The following SRGAP1 variants were observed in gnomAD, a reference collection of about 807,000 sequenced individuals.
SRGAP1 encodes the protein SLIT-ROBO Rho GTPase activating protein 1.
Under a neutral mutation model 121.9 loss-of-function variants are expected in SRGAP1, and 43 were observed. That is an observed-to-expected ratio of 0.35 (90% confidence interval 0.28 to 0.46). SRGAP1 has a LOEUF of 0.46. SRGAP1 is among the 20% of genes least tolerant of loss of function. SRGAP1 has a pLI of 1.00. For synonymous variants in SRGAP1, 447 were observed against 485.4 expected (o/e 0.92, Z 1.04); for missense variants, 1,102 against 1,350.9 (o/e 0.82, Z 2.89).
At chr12:63,896,426 G>A (rs1489183253) in intron 1 of SRGAP1, among the ~76,000 whole-genome samples, 1 of 152,160 alleles carries the variant, frequency 6.6e-6, no homozygotes, top group East Asian at 1.9e-4. Flanking sequence ...CTGGTATGTG[G>A]TTCTTTCTCC....
chr12:63,930,328 T>TAA lies in SRGAP1; in HGVS notation c.68-53596_68-53595dup, dbSNP rs755253203. Among the ~76,000 whole-genome samples the TAA allele has an allele frequency of 9.4e-3, 564 of 60,054 alleles. 1 individual carries two copies. The highest frequency in any genetic ancestry group is 0.015 in the Non-Finnish European group (456 of 30,118). The allele number at this position is 60,054 out of a possible 152,430, so 39.4% of individuals were successfully genotyped here. A position where few individuals can be genotyped will look rare whatever the true frequency, so the allele number is the denominator to read the frequency against. Reference sequence around the variant, plus strand: ...CAACATGGTGAAACATCGTCTCTACTAAAAAAAAAAAAAAAAAAAAAAAAG... The same window carrying TAA: ...CAACATGGTGAAACATCGTCTCTACTAAAAAAAAAAAAAAAAAAAAAAAAAAG... On this transcript the variant is annotated intron_variant, in intron 1 of 21. Transcript: ENST00000355086.
At chr12:63,978,324 T>G (rs907560585) in intron 1 of SRGAP1, among the ~76,000 whole-genome samples, 2 of 152,206 alleles carry the variant, frequency 1.3e-5, no homozygotes, top group African/African-American at 2.4e-5. Flanking sequence ...TTCATCATTT[T>G]TATTACCCTA....
At chr12:64,090,781 A>G (rs2036036633) in intron 11 of SRGAP1, among the ~76,000 whole-genome samples, 1 of 152,178 alleles carries the variant, frequency 6.6e-6, no homozygotes, top group African/African-American at 2.4e-5. Context: ...TGGAGGCTGC[A>G]GTGAGCCATG....
intron 18 of SRGAP1, among the ~76,000 whole-genome samples, chr12:64,122,805 T>G (rs1215631447): frequency 6.6e-6 from 1 of 151,950 alleles, no homozygotes; most frequent in East Asian, 1.9e-4. Context: ...GGCTGAGGCA[T>G]GAGAATCGCT....
At chr12:64,099,701 A>G (rs2036224423) in intron 15 of SRGAP1, among the ~76,000 whole-genome samples, 1 of 152,216 alleles carries the variant, frequency 6.6e-6, no homozygotes, top group South Asian at 2.1e-4. Context: ...GGCCATGTCC[A>G]AAGATTTCCC....
At chr12:63,933,151 A>G (rs1402347911) in intron 1 of SRGAP1, among the ~76,000 whole-genome samples, 1 of 152,144 alleles carries the variant, frequency 6.6e-6, no homozygotes, top group Non-Finnish European at 1.5e-5. Context: ...TCATGCCACC[A>G]TAATCCAGCC....
intron 1 of SRGAP1, among the ~76,000 whole-genome samples, chr12:63,938,838 C>A (rs1304759008): frequency 6.6e-6 from 1 of 151,150 alleles, no homozygotes; most frequent in African/African-American, 2.4e-5. Flanking sequence ...TTAATCTGAG[C>A]AAATTGTGAT....
At chr12:63,993,482 C>T (rs1014280917) in intron 3 of SRGAP1, among the ~76,000 whole-genome samples, 2 of 152,134 alleles carry the variant, frequency 1.3e-5, no homozygotes, top group Admixed American at 6.5e-5. Flanking sequence ...GCTGTGGAGT[C>T]ATTAGTGAGC....
chr12:63,854,530 G>A lies in SRGAP1; in HGVS notation c.67+9647G>A, dbSNP rs560016521. On this transcript the variant is annotated intron_variant, in intron 1 of 21. Coordinates refer to ENST00000355086, the MANE Select transcript of SRGAP1 (RefSeq NM_020762.4). ...AAAATACAAAATGAATTGATAATCC[G>A]TGGGTGCACGAGGTTAATTATATTA... Among the ~76,000 whole-genome samples the A allele has an allele frequency of 5.3e-5, 8 of 152,244 alleles. No individual in the cohort carries two copies. In the East Asian group the frequency reaches 1.5e-3, roughly 29 times the overall value.
At chr12:64,018,945 A>G (rs2034476530) in intron 4 of SRGAP1, among the ~76,000 whole-genome samples, 2 of 151,544 alleles carry the variant, frequency 1.3e-5, no homozygotes, top group Non-Finnish European at 2.9e-5. Flanking sequence ...CTTCCATTGA[A>G]CTCTTTTAAG....
chr12:64,067,694 C>A (rs959631394), intron 8 of SRGAP1, among the ~76,000 whole-genome samples: 8 of 152,098 alleles, frequency 5.3e-5, no homozygotes, highest in African/African-American at 1.9e-4. Flanking sequence ...TGTCAAGGTG[C>A]TTTGGGAGAA....
intron 11 of SRGAP1, among the ~76,000 whole-genome samples, chr12:64,090,217 G>A (rs1437094060): frequency 1.3e-5 from 2 of 152,178 alleles, no homozygotes; most frequent in Non-Finnish European, 2.9e-5. Flanking sequence ...TGCAGTCACA[G>A]GGCAAGATGT....
chr12:64,091,103 G>T (rs1354280834), intron 11 of SRGAP1, among the ~76,000 whole-genome samples, 173 bp from the exon 12 acceptor site: 1 of 152,138 alleles, frequency 6.6e-6, no homozygotes, highest in African/African-American at 2.4e-5. Context: ...TATGTTTTTT[G>T]ATACAGAAGT....
intron 3 of SRGAP1, among the ~76,000 whole-genome samples, chr12:64,008,391 C>T (rs2034150977): frequency 6.6e-6 from 1 of 152,066 alleles, no homozygotes; most frequent in Non-Finnish European, 1.5e-5. Context: ...TGTTTTGGTA[C>T]CTTTACTTAC....
rs183894795 is a variant in SRGAP1, at chr12:63,935,945, C to T, written c.68-48002C>T. Among the ~76,000 whole-genome samples, 710 of 152,190 alleles carry T rather than the reference C, an allele frequency of 4.7e-3. 7 individuals are homozygous for T. Among genetic ancestry groups the T allele is most frequent in the African/African-American group, 0.016 (683 of 41,528 alleles). ...ATACCCAAAAAAGAGACTCTTCTTT[C>T]ATACATCAACAGTCACAAACAGAAA... On this transcript the variant is annotated intron_variant, in intron 1 of 21. Transcript: ENST00000355086.
In SRGAP1 at chr12:63,856,892, A is replaced by G. The variant is rs140615252; in HGVS notation, c.67+12009A>G. 1.3e-3 allele frequency among the ~76,000 whole-genome samples: 203 copies of G among 152,280 alleles called. 1 individual carries two copies. Among genetic ancestry groups the G allele is most frequent in the African/African-American group, 4.8e-3 (198 of 41,564 alleles). On this transcript the variant is annotated intron_variant, in intron 1 of 21. Transcript: ENST00000355086. ...CAGTTAGGGAAGAATTGGCATCTATATATTAGTTCTTCCTACCTGTGAATA... is the reference window on the plus strand; with the variant it reads ...CAGTTAGGGAAGAATTGGCATCTATGTATTAGTTCTTCCTACCTGTGAATA...
chr12:64,007,297 C>T (rs553670646), intron 3 of SRGAP1, among the ~76,000 whole-genome samples: 115 of 152,246 alleles, frequency 7.6e-4, no homozygotes, highest in African/African-American at 2.5e-3. Context: ...GGGATAGTTT[C>T]GAGATGAAAC....
At chr12:64,063,923 A>G (rs1474996293) in intron 7 of SRGAP1, among the ~76,000 whole-genome samples, 1 of 151,658 alleles carries the variant, frequency 6.6e-6, no homozygotes. Context: ...CATGTAAAAT[A>G]TATACATGTT....
At chr12:63,938,944 C>T (rs2031764285) in intron 1 of SRGAP1, among the ~76,000 whole-genome samples, 1 of 151,488 alleles carries the variant, frequency 6.6e-6, no homozygotes, top group African/African-American at 2.4e-5. Context: ...GGCTTGAGCC[C>T]AGGAGTTCAA....
Sources: allele counts gnomAD v4.1 joint callset (sites outside exome capture counted in the v4.1 genomes callset), GRCh38; gene constraint gnomAD v4.1.1; transcripts MANE v1.5; gene names NCBI Gene and HGNC (gene_info 2026-07-23, HGNC 2026-07-21).